The following SLC17A5 variants were observed in gnomAD, a reference collection of about 807,000 sequenced individuals.
SLC17A5 encodes solute carrier family 17 member 5.
In SLC17A5, 47 loss-of-function variants were observed where a neutral mutation model predicts 59.4. That is an observed-to-expected ratio of 0.79 (90% CI 0.63 to 1.01). The LOEUF (loss-of-function observed/expected upper bound fraction) is 1.01. Among genes scored for constraint, SLC17A5 ranks in the 50% least tolerant of loss-of-function variants. The pLI, the probability that SLC17A5 is intolerant of heterozygous loss-of-function variation, is 0.00. For synonymous variants in SLC17A5, 202 were observed against 210.7 expected, an observed-to-expected ratio of 0.96 and a Z score of 0.36; for missense variants, 522 against 595.5, an observed-to-expected ratio of 0.88 and a Z score of 1.28.
intron 1 of SLC17A5, among the ~76,000 whole-genome samples, chr6:73,648,111 G>A (rs1434441954): frequency 6.6e-6 from 1 of 152,024 alleles, no homozygotes; most frequent in African/African-American, 2.4e-5. Context: ...GTGTCACAAA[G>A]TATATTACTA....
chr6:73,650,308 G>A (rs1769792382), intron 1 of SLC17A5, among the ~76,000 whole-genome samples: 1 of 151,604 alleles, frequency 6.6e-6, no homozygotes, highest in Non-Finnish European at 1.5e-5. Context: ...AGGAGATCGA[G>A]ACCATCCTGG....
rs189615545 is a variant in SLC17A5, at chr6:73,629,036, C to G, written c.819+6346G>C. 2.2e-3 allele frequency among the ~76,000 whole-genome samples: 339 copies of G among 152,280 alleles called. 2 individuals carry two copies. Among genetic ancestry groups the G allele is most frequent in the African/African-American group, 7.9e-3 (329 of 41,580 alleles). ...TCCCCATTTGATTTGCTTCGCAATGCTGCAAAATTGTATACTCTTCCTAAA... is the reference window on the plus strand; with the variant it reads ...TCCCCATTTGATTTGCTTCGCAATGGTGCAAAATTGTATACTCTTCCTAAA... On this transcript the variant is annotated intron_variant, in intron 6 of 10. Transcript: ENST00000355773.
Position 73,638,451 on chromosome 6 carries a change from G to C in SLC17A5, c.574C>G (p.Pro192Ala). 6.2e-7 allele frequency: 1 copy of C among 1,614,026 alleles called. No homozygotes were observed. Residue 192 changes from proline to alanine, a missense_variant, in exon 4 of 11, where the codon CCT (proline) becomes GCT (alanine). This residue lies in a region of SLC17A5 where 338 missense variants were observed against 363.8 expected (regional missense o/e 0.93). Coordinates refer to ENST00000355773, the MANE Select transcript of SLC17A5 (RefSeq NM_012434.5). ...MHAMWSSWAP[P>A]LERSKLLSIS... ...CTAAGAAGTTTGCTTCTTTCAAGAG[G>C]GGGAGCCCAAGAAGACCACATGGCA...
chr6:73,636,021 G>A (rs573943041), intron 5 of SLC17A5, among the ~76,000 whole-genome samples: 2 of 152,266 alleles, frequency 1.3e-5, no homozygotes, highest in South Asian at 2.1e-4. Context: ...TTACAGGTGT[G>A]AGCCACTGCA....
Position 73,645,816 on chromosome 6 carries a change from T to C in SLC17A5, c.95-1213A>G, listed in dbSNP as rs1264331012. Among the ~76,000 whole-genome samples the C allele has an allele frequency of 4.2e-5, 6 of 143,188 alleles. No homozygotes were observed. The South Asian group carries it at 1.1e-3, about 26-fold the overall frequency. 93.9% of individuals were successfully genotyped at this position (143,188 alleles called of 152,430 possible). A position where few individuals can be genotyped will look rare whatever the true frequency, so the allele number is the denominator to read the frequency against. ...AAAAAAAAAAAAAAAAAAAAAAGAA[T>C]GCAGAGTAGGTTGGAGGAACCAATA... On this transcript the variant is annotated intron_variant, in intron 1 of 10. Transcript: ENST00000355773.
chr6:73,636,552 C>G (rs923565434), intron 5 of SLC17A5, 69 bp downstream of exon 5: 1 of 883,520 alleles, frequency 1.1e-6, no homozygotes, highest in Admixed American at 1.9e-5. Context: ...ATTTTTAAAA[C>G]ATTATTAGGC....
chr6:73,648,928 T>C (rs1385013069), intron 1 of SLC17A5, among the ~76,000 whole-genome samples: 1 of 152,076 alleles, frequency 6.6e-6, no homozygotes, highest in African/African-American at 2.4e-5. Flanking sequence ...TTATGTATTG[T>C]AGTAACTCTA....
At chr6:73,651,800 G>A (rs550286891) in intron 1 of SLC17A5, among the ~76,000 whole-genome samples, 2,151 of 152,146 alleles carry the variant, frequency 0.014, 64 homozygotes, top group African/African-American at 0.049. Context: ...TGATCCGCCC[G>A]CCTCGGCCTC....
intron 1 of SLC17A5, chr6:73,653,057 T>C (rs964084912): frequency 3.0e-6 from 3 of 985,378 alleles, no homozygotes; most frequent in Admixed American, 6.1e-5. Context: ...CAAATTACTT[T>C]AGAACTCCAT....
intron 9 of SLC17A5, among the ~76,000 whole-genome samples, chr6:73,602,752 C>G (rs1457298793): frequency 2.4e-3 from 354 of 147,648 alleles, no homozygotes; most frequent in African/African-American, 8.4e-3. Flanking sequence ...TCCAGCCTGG[C>G]CGACAGAGCG....
At chr6:73,612,270 C>T (rs542863158) in intron 8 of SLC17A5, among the ~76,000 whole-genome samples, 1 of 152,002 alleles carries the variant, frequency 6.6e-6, no homozygotes, top group Non-Finnish European at 1.5e-5. Flanking sequence ...TCAAGCAATT[C>T]TCCTGCCTCG....
At position 73,621,690 on chromosome 6, in the gene SLC17A5, G is replaced by T; in HGVS notation, c.978+114C>A. 3 of 843,966 alleles carry T rather than the reference G, an allele frequency of 3.6e-6. No individual in the cohort carries two copies. In the South Asian group the frequency reaches 4.9e-5, roughly 14 times the overall value. The allele number at this position is 843,966 out of a possible 1,614,324, so 52.3% of individuals were successfully genotyped here. The stretch of plus-strand genomic sequence containing the variant: ...ATGTATAAGAATCTCTAAAATTTAG[G>T]ACAGCAGAGTAAAATGGAAGATACA... On this transcript the variant is annotated intron_variant, in intron 7 of 10. Transcript: ENST00000355773.
intron 4 of SLC17A5, among the ~76,000 whole-genome samples, chr6:73,637,592 T>C (rs1769077045): frequency 6.6e-6 from 1 of 152,196 alleles, no homozygotes; most frequent in African/African-American, 2.4e-5. Context: ...TATGCCATCA[T>C]CCTCCTTACT....
intron 5 of SLC17A5, 123 bp downstream of exon 5, chr6:73,636,498 T>C: frequency 3.1e-6 from 2 of 642,998 alleles, no homozygotes; most frequent in Non-Finnish European, 5.6e-6. Context: ...AAACAGGTTA[T>C]CAGGAAGTGT....
intron 1 of SLC17A5, chr6:73,645,585 G>C: frequency 1.7e-6 from 1 of 599,056 alleles, no homozygotes; most frequent in Non-Finnish European, 2.1e-6. Flanking sequence ...TCAGGAGATC[G>C]AGACCATCCT....
chr6:73,615,857 T>TAAGTC (rs113678013), intron 7 of SLC17A5, among the ~76,000 whole-genome samples: 55,177 of 145,844 alleles, frequency 0.38, 11,624 homozygotes, highest in African/African-American at 0.56. Context: ...GAAAACCACA[T>TAAGTC]AAACATAGCT....
intron 6 of SLC17A5, among the ~76,000 whole-genome samples, chr6:73,624,880 AC>A (rs1477674591): frequency 1.4e-5 from 2 of 146,204 alleles, no homozygotes; most frequent in South Asian, 2.1e-4. Context: ...TCAAAAGAAA[AC>A]AATATATATA....
At chr6:73,630,755 A>G (rs1414220935) in intron 6 of SLC17A5, among the ~76,000 whole-genome samples, 1 of 152,118 alleles carries the variant, frequency 6.6e-6, no homozygotes, top group Non-Finnish European at 1.5e-5. Context: ...AGAAAGAAAA[A>G]AAGCAGTCAG....
intron 6 of SLC17A5, among the ~76,000 whole-genome samples, chr6:73,622,459 G>T (rs1309619172): frequency 6.6e-6 from 1 of 152,062 alleles, no homozygotes; most frequent in African/African-American, 2.4e-5. Context: ...ACTCCACCAG[G>T]CCTGGCTAAT....
Sources: gnomAD v4.1 joint callset for allele counts (sites outside exome capture counted in the v4.1 genomes callset) on GRCh38, gnomAD v4.1.1 for gene constraint, gnomAD v4.1.1 regional missense constraint, MANE v1.5 for transcripts, NCBI Gene and HGNC (gene_info 2026-07-23, HGNC 2026-07-21) for gene names.